The following TRAPPC10 variants were observed in gnomAD, a reference collection of about 807,000 sequenced individuals.
TRAPPC10 encodes the protein trafficking protein particle complex subunit 10, also known as TRAPP 130 kDa subunit.
In TRAPPC10, 23 loss-of-function variants were observed where a neutral mutation model predicts 125.5. The observed-to-expected ratio is 0.18, with a 90% CI of 0.13 to 0.26. TRAPPC10 has a LOEUF of 0.26. Among genes scored for constraint, TRAPPC10 ranks in the 10% least tolerant of loss-of-function variants. The probability of loss-of-function intolerance (pLI) is 1.00; values close to 1 mark genes in which losing one functional copy is unlikely to be tolerated. For synonymous variants in TRAPPC10, 509 were observed against 518.0 expected, an observed-to-expected ratio of 0.98 and a Z score of 0.24; for missense variants, 1,123 against 1,308.4, an observed-to-expected ratio of 0.86 and a Z score of 2.19.
At chr21:44,062,665 G>C (rs1311260421) in intron 6 of TRAPPC10, 2 of 985,250 alleles carry the variant, frequency 2.0e-6, no homozygotes, top group African/African-American at 3.5e-5. Flanking sequence ...GGGCCAGCGG[G>C]TCCACTCCAC....
chr21:44,072,459 A>C (rs1746436598), intron 7 of TRAPPC10, among the ~76,000 whole-genome samples: 1 of 151,622 alleles, frequency 6.6e-6, no homozygotes, highest in South Asian at 2.1e-4. Context: ...GTGGTCTCCT[A>C]GGAGGTGTTT....
chr21:44,094,053 C>G lies in TRAPPC10; in HGVS notation c.2998-10C>G, dbSNP rs765776297. On this transcript the variant is annotated splice_polypyrimidine_tract_variant and intron_variant, in intron 19 of 22. Transcript: ENST00000291574. Reference sequence around the variant, plus strand: ...GCTGTGTGAGCAGTGACCCCCAACTCTCTTTCCAGCCCATCTACAGCAAGC... The same window carrying G: ...GCTGTGTGAGCAGTGACCCCCAACTGTCTTTCCAGCCCATCTACAGCAAGC... The G allele has an allele frequency of 2.5e-6, 4 of 1,611,046 alleles. No homozygotes were observed. The highest frequency in any genetic ancestry group is 3.4e-6 in the Non-Finnish European group (4 of 1,179,022).
At chr21:44,033,380 T>C (rs184028765) in intron 2 of TRAPPC10, among the ~76,000 whole-genome samples, 1 of 152,288 alleles carries the variant, frequency 6.6e-6, no homozygotes, top group African/African-American at 2.4e-5. Flanking sequence ...ATTTAGTTGC[T>C]AATATTTAAT....
intron 17 of TRAPPC10, 99 bp from the exon 18 acceptor site, chr21:44,089,734 G>A: frequency 1.2e-6 from 1 of 822,646 alleles, no homozygotes; most frequent in East Asian, 2.6e-5. Context: ...AAATGTCTAG[G>A]GCGTGGGCGG....
intron 1 of TRAPPC10, 54 bp downstream of exon 1, chr21:44,012,614 T>G (rs1014231636): frequency 6.8e-6 from 10 of 1,462,782 alleles, no homozygotes; most frequent in Non-Finnish European, 9.3e-6. Context: ...GCCCGGGCCC[T>G]GGCGTTATGC....
chr21:44,060,999 G>A lies in TRAPPC10; in HGVS notation c.790+1785G>A, dbSNP rs547786133. Among the ~76,000 whole-genome samples the A allele has an allele frequency of 3.3e-5, 5 of 151,940 alleles. No homozygotes were observed. The East Asian group carries it at 9.7e-4, about 29-fold the overall frequency. ...TGTTGCCAGGCTGGAGTGCAGTGGT[G>A]TGATCTTGGCTCACTGCAACCTTCT... On this transcript the variant is annotated intron_variant, in intron 6 of 22. Transcript: ENST00000291574.
Position 44,079,546 on chromosome 21 carries a change from G to A in TRAPPC10, c.1470-18G>A. 1.3e-6 allele frequency: 2 copies of A among 1,584,336 alleles called. No homozygotes were observed. Among genetic ancestry groups the A allele is most frequent in the South Asian group, 1.2e-5 (1 of 85,570 alleles). ...ATCCCTAGCTGTAATGAAAGCTACT[G>A]TTTGTTGACTTTGCAAGGAGGAAAA... is the stretch of plus-strand genomic sequence containing the variant. On this transcript the variant is annotated intron_variant, in intron 11 of 22. Transcript: ENST00000291574.
chr21:44,079,462 G>C, intron 11 of TRAPPC10, 102 bp from the exon 12 acceptor site: 1 of 1,357,200 alleles, frequency 7.4e-7, no homozygotes, highest in Non-Finnish European at 9.9e-7. Context: ...GTCTGTCCTG[G>C]CATGGGGTCT....
rs78793120 is a variant in TRAPPC10 at position 44,059,863 on chromosome 21, T to G, written c.790+649T>G. ...AGCAGGTGGGGTTTGGAGTTGTTTT[T>G]GTTACAATTGGTATTCCTGGCTTGA... On this transcript the variant is annotated intron_variant, in intron 6 of 22. Transcript: ENST00000291574. The surrounding 1 kb of genome is among the most constrained non-coding windows in gnomAD (Gnocchi z 4.4). 6.8e-4 allele frequency: 162 copies of G among 239,138 alleles called. 1 individual carries two copies. The highest frequency in any genetic ancestry group is 1.1e-3 in the Non-Finnish European group (139 of 124,526). 14.8% of individuals were successfully genotyped at this position (239,138 alleles called of 1,614,324 possible).
Position 44,063,424 on chromosome 21 carries a change from A to G in TRAPPC10, c.791-114A>G, listed in dbSNP as rs541626698. The G allele has an allele frequency of 4.1e-6, 6 of 1,457,362 alleles. No homozygotes were observed. The highest frequency in any genetic ancestry group is 2.6e-5 in the South Asian group (2 of 76,856). The allele number at this position is 1,457,362 out of a possible 1,614,324, so 90.3% of individuals were successfully genotyped here. A position where few individuals can be genotyped will look rare whatever the true frequency, so the allele number is the denominator to read the frequency against. On this transcript the variant is annotated intron_variant, in intron 6 of 22. Transcript: ENST00000291574. The surrounding 1 kb of genome is among the most constrained non-coding windows in gnomAD (Gnocchi z 4.4). ...GACCACAGGGGGTGGGCCAGTGTTC[A>G]TAGAAAAACTGGTTATGAAGCTGCC...
chr21:44,051,197 C>T (rs1312842954), intron 3 of TRAPPC10, among the ~76,000 whole-genome samples: 2 of 152,184 alleles, frequency 1.3e-5, no homozygotes, highest in Non-Finnish European at 1.5e-5. Flanking sequence ...AGCCACTGTG[C>T]CTGGCCAGGA....
intron 18 of TRAPPC10, 135 bp downstream of exon 18, chr21:44,090,068 C>T (rs2038467989): frequency 8.0e-6 from 5 of 625,516 alleles, no homozygotes; most frequent in Non-Finnish European, 1.4e-5. Context: ...TTGTTTGTGT[C>T]TTAAAATCCA....
In TRAPPC10 at chr21:44,063,060, A is replaced by T; in HGVS notation, c.791-478A>T. 1 of 1,304,316 alleles carries T rather than the reference A, an allele frequency of 7.7e-7. No individual in the cohort carries two copies. The highest frequency in any genetic ancestry group is 1.0e-6 in the Non-Finnish European group (1 of 989,106). 80.8% of individuals were successfully genotyped at this position (1,304,316 alleles called of 1,614,324 possible). ...CCCTGTCCCTTCCTCCAGGAGCTTG[A>T]CTCAGGGACGTGACGTGGTTGAGTT... On this transcript the variant is annotated intron_variant, in intron 6 of 22. Transcript: ENST00000291574. The surrounding 1 kb of genome is among the most constrained non-coding windows in gnomAD (Gnocchi z 4.4).
intron 17 of TRAPPC10, chr21:44,089,073 T>G (rs60373018): frequency 4.7e-6 from 1 of 211,148 alleles, no homozygotes; most frequent in African/African-American, 2.7e-5. Flanking sequence ...CGTGTTATCC[T>G]CTCTTCCCTG....
chr21:44,050,174 C>T (rs779923059), intron 3 of TRAPPC10, among the ~76,000 whole-genome samples: 2 of 147,154 alleles, frequency 1.4e-5, no homozygotes, highest in Non-Finnish European at 1.5e-5. Flanking sequence ...TTTAACATGT[C>T]GTTTTGTTTG....
At chr21:44,045,810 C>G (rs1040066509) in intron 3 of TRAPPC10, among the ~76,000 whole-genome samples, 7 of 152,170 alleles carry the variant, frequency 4.6e-5, no homozygotes, top group Admixed American at 1.3e-4. Flanking sequence ...CCCACCTCGG[C>G]CTCCCAAAGT....
intron 7 of TRAPPC10, among the ~76,000 whole-genome samples, chr21:44,068,524 CAG>C (rs1297658535): frequency 6.6e-6 from 1 of 152,066 alleles, no homozygotes; most frequent in Admixed American, 6.6e-5. Context: ...CAGAGAGAGG[CAG>C]AGAGAGGTGA....
intron 1 of TRAPPC10, among the ~76,000 whole-genome samples, chr21:44,017,268 G>T (rs539312134): frequency 6.6e-6 from 1 of 152,268 alleles, no homozygotes; most frequent in East Asian, 1.9e-4. Context: ...CCCGAGCATG[G>T]TTACAAACCA....
intron 7 of TRAPPC10, among the ~76,000 whole-genome samples, chr21:44,066,097 G>A (rs1453396600): frequency 6.6e-6 from 1 of 152,162 alleles, no homozygotes; most frequent in African/African-American, 2.4e-5. Flanking sequence ...GAGGCCAGGG[G>A]GTAGGTGTGC....
Sources: allele counts gnomAD v4.1 joint callset (sites outside exome capture counted in the v4.1 genomes callset), GRCh38; gene constraint gnomAD v4.1.1; non-coding constraint Gnocchi (gnomAD v3.1); transcripts MANE v1.5; gene names NCBI Gene and HGNC (gene_info 2026-07-23, HGNC 2026-07-21).